PDE1A: variants seen among roughly 807,000 people sequenced by gnomAD.
PDE1A encodes phosphodiesterase 1A.
A neutral mutation model predicts 61.7 loss-of-function variants in PDE1A; 35 were observed. The observed-to-expected ratio is 0.57, with a 90% CI of 0.43 to 0.75. The LOEUF (loss-of-function observed/expected upper bound fraction) is 0.75, where lower values mean the gene tolerates loss of function less well. Among genes scored for constraint, PDE1A ranks in the 30% least tolerant of loss-of-function variants. The pLI, the probability that PDE1A is intolerant of heterozygous loss-of-function variation, is 0.00. For missense variants in PDE1A, 597 were observed against 630.6 expected (o/e 0.95, Z 0.57); for synonymous variants, 232 against 213.2 (o/e 1.09, Z -0.77).
At chr2:182,566,413 A>G in the PDE1A span, among the ~76,000 whole-genome samples, 1 of 151,988 alleles carries the variant, frequency 6.6e-6, no homozygotes, top group South Asian at 2.1e-4. Flanking sequence ...AAAAGAAAAG[A>G]AAGAAGACAG....
At chr2:182,417,199 G>A (rs1559441767) in intron 1 of PDE1A, among the ~76,000 whole-genome samples, 1 of 152,160 alleles carries the variant, frequency 6.6e-6, no homozygotes, top group African/African-American at 2.4e-5. Flanking sequence ...AGATTCCCAC[G>A]CCTTAGCTGA....
Position 182,291,050 on chromosome 2 carries a change from C to G in PDE1A, c.54-26636G>C, listed in dbSNP as rs558969806. On this transcript the variant is annotated intron_variant, in intron 1 of 13. Coordinates refer to ENST00000351439, the Ensembl canonical transcript of PDE1A. ...AAATGCCACTGATTCTCCATCATAG[C>G]TCATCCATTTAAACTTTCCTCTTCT... Among the ~76,000 whole-genome samples, 271 of 152,158 alleles carry G rather than the reference C, an allele frequency of 1.8e-3. 1 individual carries two copies. Among genetic ancestry groups the G allele is most frequent in the African/African-American group, 6.4e-3 (265 of 41,544 alleles).
the PDE1A span, among the ~76,000 whole-genome samples, chr2:182,629,022 C>T: frequency 6.6e-6 from 1 of 152,248 alleles, no homozygotes; most frequent in African/African-American, 2.4e-5. Flanking sequence ...ACAGACATGC[C>T]AGAACTGCCT....
intron 1 of PDE1A, among the ~76,000 whole-genome samples, chr2:182,393,380 A>AC (rs1423100310): frequency 7.1e-6 from 1 of 140,456 alleles, no homozygotes; most frequent in East Asian, 2.4e-4. Context: ...TACCCACAGA[A>AC]CCTTTTTTTT....
chr2:182,253,130 A>G (rs1454522177), intron 2 of PDE1A, among the ~76,000 whole-genome samples: 1 of 152,198 alleles, frequency 6.6e-6, no homozygotes, highest in East Asian at 1.9e-4. Flanking sequence ...TTAGAAATCA[A>G]ACATTTGCAT....
the PDE1A span, among the ~76,000 whole-genome samples, chr2:182,713,534 G>A: frequency 6.6e-6 from 1 of 152,188 alleles, no homozygotes; most frequent in African/African-American, 2.4e-5. Context: ...GGGAGGCTGA[G>A]ACAGGAGAAT....
At chr2:182,491,428 A>T (rs1688386037) in intron 2 of PDE1A, among the ~76,000 whole-genome samples, 1 of 152,112 alleles carries the variant, frequency 6.6e-6, no homozygotes, top group Admixed American at 6.5e-5. Flanking sequence ...GGAATGAGAG[A>T]GGCAGTGTGA....
At chr2:182,345,958 AT>A (rs915147504) in intron 1 of PDE1A, among the ~76,000 whole-genome samples, 15 of 152,334 alleles carry the variant, frequency 9.8e-5, no homozygotes, top group Admixed American at 2.0e-4. Flanking sequence ...GGAGAAGGAA[AT>A]GTGTCTGATT....
At chr2:182,711,930 A>T in the PDE1A span, among the ~76,000 whole-genome samples, 1 of 152,256 alleles carries the variant, frequency 6.6e-6, no homozygotes, top group Non-Finnish European at 1.5e-5. Flanking sequence ...AGCACCTCCA[A>T]TAAAGGACTT....
intron 1 of PDE1A, among the ~76,000 whole-genome samples, chr2:182,370,156 G>A (rs1700051788): frequency 6.6e-6 from 1 of 150,962 alleles, no homozygotes; most frequent in South Asian, 2.1e-4. Context: ...CAGCCTGGAC[G>A]ACAGAGTGAG....
chr2:182,323,019 C>T (rs1696798912), intron 1 of PDE1A, among the ~76,000 whole-genome samples: 2 of 152,068 alleles, frequency 1.3e-5, no homozygotes, highest in Non-Finnish European at 1.5e-5. Context: ...GAGTGTTATA[C>T]ATAATATAAC....
chr2:182,578,744 T>C, the PDE1A span, among the ~76,000 whole-genome samples: 7 of 152,206 alleles, frequency 4.6e-5, no homozygotes, highest in Non-Finnish European at 1.0e-4. Context: ...GCAGTGTACA[T>C]AGTTTTGCCC....
the PDE1A span, among the ~76,000 whole-genome samples, chr2:182,678,513 A>G: frequency 2.0e-5 from 3 of 152,210 alleles, no homozygotes; most frequent in African/African-American, 7.2e-5. Context: ...GCTTAATAAC[A>G]TAAAAATCAT....
At chr2:182,391,727 G>A (rs1260944282) in intron 1 of PDE1A, among the ~76,000 whole-genome samples, 1 of 152,106 alleles carries the variant, frequency 6.6e-6, no homozygotes. Context: ...AGGCAAGGTG[G>A]GTGTAGTTAC....
chr2:182,231,529 T>G (rs1447000242), intron 4 of PDE1A, among the ~76,000 whole-genome samples: 2 of 152,126 alleles, frequency 1.3e-5, no homozygotes, highest in African/African-American at 2.4e-5. Context: ...ATAGTCCCGG[T>G]TTTTCTTTCT....
chr2:182,452,459 T>A (rs113264002), intron 2 of PDE1A, among the ~76,000 whole-genome samples: 1 of 152,170 alleles, frequency 6.6e-6, no homozygotes, highest in Non-Finnish European at 1.5e-5. Context: ...AAAGATTAAA[T>A]TCCTGTCTCA....
intron 1 of PDE1A, among the ~76,000 whole-genome samples, chr2:182,408,601 G>T (rs751508290): frequency 6.6e-6 from 1 of 152,084 alleles, no homozygotes; most frequent in Admixed American, 6.5e-5. Flanking sequence ...AAATGAAGAC[G>T]TTAATTTTTT....
intron 7 of PDE1A, among the ~76,000 whole-genome samples, chr2:182,222,890 C>T (rs139733331): frequency 1.1e-3 from 163 of 152,076 alleles, no homozygotes; most frequent in Non-Finnish European, 1.7e-3. Context: ...TAAGTTGGAT[C>T]CTGATGGGGC....
chr2:182,444,348 T>C (rs1439542536), intron 2 of PDE1A, among the ~76,000 whole-genome samples: 1 of 152,152 alleles, frequency 6.6e-6, no homozygotes, highest in African/African-American at 2.4e-5. Flanking sequence ...TCTTTGTGGC[T>C]GTGTATTTTT....
Sources: gnomAD v4.1 joint callset for allele counts (sites outside exome capture counted in the v4.1 genomes callset) on GRCh38, gnomAD v4.1.1 for gene constraint, MANE v1.5 for transcripts, NCBI Gene and HGNC (gene_info 2026-07-23, HGNC 2026-07-21) for gene names.